The following XYLT1 variants were observed in gnomAD, a reference collection of about 807,000 sequenced individuals.
XYLT1 encodes the protein xylosyltransferase 1.
XYLT1 carries 36 observed loss-of-function variants against 91.3 expected under a neutral mutation model. That is an observed-to-expected ratio of 0.39 (90% CI 0.30 to 0.52). The LOEUF (loss-of-function observed/expected upper bound fraction) is 0.52, where lower values mean the gene tolerates loss of function less well. Among genes scored for constraint, XYLT1 ranks in the 20% least tolerant of loss-of-function variants. The pLI is 0.68. For missense variants in XYLT1, 1,242 were observed against 1,284.5 expected (o/e 0.97, Z 0.51); for synonymous variants, 588 against 532.0 (o/e 1.11, Z -1.45).
At chr16:17,139,195 G>GAA (rs2030885990) in intron 7 of XYLT1, among the ~76,000 whole-genome samples, 2 of 152,236 alleles carry the variant, frequency 1.3e-5, no homozygotes, top group African/African-American at 4.8e-5. Flanking sequence ...CAGAGAGTGA[G>GAA]AGAAAGATTT....
chr16:17,418,492 C>T (rs1363619726), intron 1 of XYLT1, among the ~76,000 whole-genome samples: 1 of 151,988 alleles, frequency 6.6e-6, no homozygotes, highest in African/African-American at 2.4e-5. Context: ...AGAGCCATGT[C>T]ACAACAAAAT....
At chr16:17,446,258 C>T (rs1381116170) in intron 1 of XYLT1, 1 of 152,170 alleles carries the variant, frequency 6.6e-6, no homozygotes, top group African/African-American at 2.4e-5. Flanking sequence ...TCCACAGTTT[C>T]AAAAATAAAT....
At chr16:17,249,646 GTTTTTT>G (rs199969337) in intron 3 of XYLT1, 1 of 110,112 alleles carries the variant, frequency 9.1e-6, no homozygotes, top group African/African-American at 5.0e-5. Flanking sequence ...CACCTATGTA[GTTTTTT>G]TGTTTGTTTG....
chr16:17,295,616 A>G (rs1321071131), intron 2 of XYLT1, among the ~76,000 whole-genome samples: 1 of 152,144 alleles, frequency 6.6e-6, no homozygotes, highest in Non-Finnish European at 1.5e-5. Context: ...TTGACCTCCC[A>G]AAGTCCTGGG....
chr16:17,365,837 T>A (rs1170214112), intron 1 of XYLT1, among the ~76,000 whole-genome samples: 1 of 152,196 alleles, frequency 6.6e-6, no homozygotes, highest in Non-Finnish European at 1.5e-5. Context: ...GGTATGTGTA[T>A]CCTTGAGCAC....
chr16:17,277,534 G>A (rs1356119564), intron 2 of XYLT1, among the ~76,000 whole-genome samples: 3 of 151,938 alleles, frequency 2.0e-5, no homozygotes, highest in African/African-American at 7.3e-5. Context: ...GGATTACAGG[G>A]ATGCACCACC....
chr16:17,203,250 G>A (rs1015963859), intron 3 of XYLT1, among the ~76,000 whole-genome samples: 21 of 152,208 alleles, frequency 1.4e-4, no homozygotes, highest in Admixed American at 1.0e-3. Context: ...AGGTAGGCAT[G>A]CATTTAAGGA....
At chr16:17,283,807 C>T (rs907066818) in intron 2 of XYLT1, among the ~76,000 whole-genome samples, 39 of 152,122 alleles carry the variant, frequency 2.6e-4, no homozygotes, top group African/African-American at 8.9e-4. Context: ...CACATAGGGG[C>T]GGGGTGTGAT....
chr16:17,445,338 C>A (rs1284989737), intron 1 of XYLT1, among the ~76,000 whole-genome samples: 1 of 152,220 alleles, frequency 6.6e-6, no homozygotes, highest in Non-Finnish European at 1.5e-5. Flanking sequence ...CACGTAGAGG[C>A]TGCTCCATAA....
In XYLT1 at chr16:17,370,139, A is replaced by T. The variant is rs145615505; in HGVS notation, c.364-12089T>A. ...TACAATGAGCTCCTTTCATCCGTGAATAGAGGACTCTCCTTAACTCTGTCT... is the reference window on the plus strand; with the variant it reads ...TACAATGAGCTCCTTTCATCCGTGATTAGAGGACTCTCCTTAACTCTGTCT... On this transcript the variant is annotated intron_variant, in intron 1 of 11. Transcript: ENST00000261381. Among the ~76,000 whole-genome samples the T allele has an allele frequency of 8.5e-5, 13 of 152,322 alleles. No individual in the cohort carries two copies. In the East Asian group the frequency reaches 2.3e-3, roughly 27 times the overall value.
At chr16:17,319,601 C>G (rs907061361) in intron 2 of XYLT1, among the ~76,000 whole-genome samples, 42 of 152,100 alleles carry the variant, frequency 2.8e-4, no homozygotes, top group Admixed American at 7.2e-4. Flanking sequence ...CACCACCACG[C>G]CCAGCTAGTT....
intron 6 of XYLT1, among the ~76,000 whole-genome samples, chr16:17,152,275 G>A (rs1051815857): frequency 6.6e-6 from 1 of 152,212 alleles, no homozygotes; most frequent in Non-Finnish European, 1.5e-5. Flanking sequence ...ACACGCTGAG[G>A]CCCAGGGAGG....
At chr16:17,197,242 G>A (rs565533205) in intron 5 of XYLT1, among the ~76,000 whole-genome samples, 1 of 151,864 alleles carries the variant, frequency 6.6e-6, no homozygotes, top group East Asian at 1.9e-4. Context: ...ACCCACCTCT[G>A]GGCTCAGCCC....
chr16:17,387,775 CT>C (rs748167243), intron 1 of XYLT1, among the ~76,000 whole-genome samples: 73 of 152,200 alleles, frequency 4.8e-4, no homozygotes, highest in Admixed American at 9.2e-4. Context: ...GTCCAAGAAC[CT>C]TTCCTAACCA....
chr16:17,409,970 C>A (rs1167401011), intron 1 of XYLT1, among the ~76,000 whole-genome samples: 3 of 152,174 alleles, frequency 2.0e-5, no homozygotes, highest in Non-Finnish European at 4.4e-5. Context: ...GTATAGGATG[C>A]TTGGACAACC....
intron 6 of XYLT1, among the ~76,000 whole-genome samples, chr16:17,156,815 C>G (rs1418414579): frequency 1.3e-5 from 2 of 152,068 alleles, no homozygotes; most frequent in Non-Finnish European, 2.9e-5. Context: ...TCGGGTGTTG[C>G]AGAAAGAGGC....
At chr16:17,279,476 G>A (rs2034025626) in intron 2 of XYLT1, among the ~76,000 whole-genome samples, 1 of 152,204 alleles carries the variant, frequency 6.6e-6, no homozygotes, top group South Asian at 2.1e-4. Flanking sequence ...CCAGACCTGG[G>A]AGCCAAGCTA....
intron 1 of XYLT1, among the ~76,000 whole-genome samples, chr16:17,382,824 C>T (rs1373872481): frequency 6.6e-6 from 1 of 151,896 alleles, no homozygotes; most frequent in Non-Finnish European, 1.5e-5. Context: ...TAGTGCATTA[C>T]TTCCTAGAGA....
At chr16:17,125,099 C>G (rs903792658) in intron 10 of XYLT1, among the ~76,000 whole-genome samples, 5 of 152,016 alleles carry the variant, frequency 3.3e-5, no homozygotes, top group Admixed American at 3.3e-4. Context: ...TCAGAGATTT[C>G]TTCTTGATTT....
Sources: allele counts gnomAD v4.1 joint callset (sites outside exome capture counted in the v4.1 genomes callset), GRCh38; gene constraint gnomAD v4.1.1; transcripts MANE v1.5; gene names NCBI Gene and HGNC (gene_info 2026-07-23, HGNC 2026-07-21).